PRDM16: variants seen among roughly 807,000 people sequenced by gnomAD.
The protein encoded by PRDM16 is histone-lysine N-methyltransferase PRDM16.
In PRDM16, 23 loss-of-function variants were observed where a neutral mutation model predicts 110.6. That is an observed-to-expected ratio of 0.21 (90% CI 0.15 to 0.29). The LOEUF (loss-of-function observed/expected upper bound fraction) is 0.29, where lower values mean the gene tolerates loss of function less well. PRDM16 is among the 10% of genes least tolerant of loss of function. PRDM16 has a pLI of 1.00. For missense variants in PRDM16, 1,615 were observed against 1,794.3 expected (o/e 0.90, Z 1.81); for synonymous variants, 799 against 781.8 (o/e 1.02, Z -0.37).
chr1:3,304,352 A>T (rs936643517), intron 3 of PRDM16, among the ~76,000 whole-genome samples: 1 of 152,192 alleles, frequency 6.6e-6, no homozygotes, highest in African/African-American at 2.4e-5. Context: ...CCTCTGAGAG[A>T]GTGGGGAGAA....
In PRDM16 at chr1:3,194,463, T is replaced by A. The variant is rs1214776310; in HGVS notation, c.387+7989T>A. Reference sequence around the variant, plus strand: ...TTAAATTCCAACAGAGGGGAAGGGGTAGACCATGGCAGGTGCTGGGGACCT... The same window carrying A: ...TTAAATTCCAACAGAGGGGAAGGGGAAGACCATGGCAGGTGCTGGGGACCT... On this transcript the variant is annotated intron_variant, in intron 2 of 16. Coordinates refer to ENST00000270722, the MANE Select transcript of PRDM16 (RefSeq NM_022114.4). Among the ~76,000 whole-genome samples the A allele has an allele frequency of 2.0e-5, 3 of 151,996 alleles. No homozygotes were observed. The East Asian group carries it at 5.8e-4, about 30-fold the overall frequency.
intron 2 of PRDM16, among the ~76,000 whole-genome samples, chr1:3,214,671 C>T (rs10909901): frequency 0.41 from 61,839 of 152,168 alleles, 18,588 homozygotes; most frequent in African/African-American, 0.83. Context: ...AATAGCATCT[C>T]GCAGGGGCAA....
chr1:3,147,160 G>A (rs1033474394), intron 1 of PRDM16, among the ~76,000 whole-genome samples: 1 of 149,412 alleles, frequency 6.7e-6, no homozygotes, highest in Admixed American at 6.6e-5. Flanking sequence ...GGTGTGAGGT[G>A]TGTGCACGCA....
intron 12 of PRDM16, among the ~76,000 whole-genome samples, chr1:3,419,747 G>A (rs1192074681): frequency 6.6e-6 from 1 of 152,082 alleles, no homozygotes; most frequent in Non-Finnish European, 1.5e-5. Context: ...CTCCATCCCT[G>A]GGGAAGGAGA....
intron 16 of PRDM16, among the ~76,000 whole-genome samples, chr1:3,433,048 C>G (rs1220331587): frequency 6.6e-6 from 1 of 152,328 alleles, no homozygotes; most frequent in East Asian, 1.9e-4. Context: ...CTCTTGTTGA[C>G]CCCCAGTTCC....
At chr1:3,198,772 C>T (rs943938961) in intron 2 of PRDM16, among the ~76,000 whole-genome samples, 2 of 152,196 alleles carry the variant, frequency 1.3e-5, no homozygotes, top group Non-Finnish European at 2.9e-5. Context: ...TGGCTTTCGG[C>T]GGAGTCGGCA....
At chr1:3,247,040 A>G (rs1639806054) in intron 3 of PRDM16, among the ~76,000 whole-genome samples, 1 of 152,126 alleles carries the variant, frequency 6.6e-6, no homozygotes, top group Non-Finnish European at 1.5e-5. Flanking sequence ...GGATGAATTC[A>G]GTACAGTCCT....
intron 3 of PRDM16, among the ~76,000 whole-genome samples, chr1:3,261,242 A>G (rs1220627116): frequency 6.6e-6 from 1 of 152,148 alleles, no homozygotes; most frequent in Non-Finnish European, 1.5e-5. Context: ...GTGAATAAGA[A>G]ATACAGGACT....
intron 3 of PRDM16, among the ~76,000 whole-genome samples, chr1:3,356,742 C>G (rs765556678): frequency 6.6e-6 from 1 of 152,134 alleles, no homozygotes; most frequent in Non-Finnish European, 1.5e-5. Flanking sequence ...CTGGGCAGAT[C>G]GAGCAGCTCG....
chr1:3,335,355 TG>T (rs1159143160), intron 3 of PRDM16, among the ~76,000 whole-genome samples: 1 of 152,116 alleles, frequency 6.6e-6, no homozygotes, highest in Non-Finnish European at 1.5e-5. Flanking sequence ...GGGGCCGGCC[TG>T]GAAATAGCAG....
At chr1:3,122,534 G>A (rs951107037) in intron 1 of PRDM16, among the ~76,000 whole-genome samples, 3 of 152,158 alleles carry the variant, frequency 2.0e-5, no homozygotes, top group Non-Finnish European at 2.9e-5. Context: ...GCGAGTGGCC[G>A]CGTGGAGAAG....
At chr1:3,197,700 G>A (rs978901368) in intron 2 of PRDM16, among the ~76,000 whole-genome samples, 2 of 152,338 alleles carry the variant, frequency 1.3e-5, no homozygotes, top group African/African-American at 2.4e-5. Context: ...TGGGGAGGGC[G>A]GCCCCTCCTG....
intron 1 of PRDM16, among the ~76,000 whole-genome samples, chr1:3,138,953 A>G (rs1569660614): frequency 6.6e-6 from 1 of 151,730 alleles, no homozygotes; most frequent in African/African-American, 2.4e-5. Context: ...CTGGCCTCTC[A>G]CCTCCCCCTC....
rs144912114 is a variant in PRDM16 at position 3,115,403 on chromosome 1, C to A, written c.37+46107C>A. On this transcript the variant is annotated intron_variant, in intron 1 of 16. Transcript: ENST00000270722. ...TACGCCAGCTCCTGAGCAAACCCAG[C>A]GGGACGGGGAGATGACAAATGATGG... 3.3e-5 allele frequency among the ~76,000 whole-genome samples: 5 copies of A among 152,312 alleles called. No homozygotes were observed. The East Asian group carries it at 9.7e-4, about 29-fold the overall frequency.
At chr1:3,300,032 G>A (rs75266529) in intron 3 of PRDM16, among the ~76,000 whole-genome samples, 6 of 93,050 alleles carry the variant, frequency 6.4e-5, no homozygotes, top group Admixed American at 2.8e-4. Flanking sequence ...TGCTGTGGCC[G>A]TGATGTTTCC....
intron 1 of PRDM16, among the ~76,000 whole-genome samples, chr1:3,129,756 G>A (rs1354544258): frequency 1.3e-5 from 2 of 152,198 alleles, no homozygotes; most frequent in African/African-American, 2.4e-5. Flanking sequence ...AGAGAAAAGA[G>A]AATTGGGGTT....
rs1047735139 is a variant in PRDM16, at chr1:3,255,827, C to T, written c.438+11690C>T. Among the ~76,000 whole-genome samples, 1 of 152,186 alleles carries T rather than the reference C, an allele frequency of 6.6e-6. No individual in the cohort carries two copies. On this transcript the variant is annotated intron_variant, in intron 3 of 16. Transcript: ENST00000270722. This position sits in a 1 kb window ranked among gnomAD's most constrained non-coding sequence, Gnocchi z 4.7. ...CAGAATGAACCCATTGTCACTTGTG[C>T]CCAAAGCCAATCCCGTGGCCGCACC...
chr1:3,270,849 AG>A (rs1640435940), intron 3 of PRDM16, among the ~76,000 whole-genome samples: 1 of 151,234 alleles, frequency 6.6e-6, no homozygotes, highest in African/African-American at 2.4e-5. Flanking sequence ...ACAATCCTGG[AG>A]GAGGACAGTG....
At chr1:3,427,631 A>T (rs559101915) in intron 14 of PRDM16, among the ~76,000 whole-genome samples, 1 of 152,280 alleles carries the variant, frequency 6.6e-6, no homozygotes, top group East Asian at 1.9e-4. Flanking sequence ...AGGCAGTTGG[A>T]CACTGGCTCT....
Sources: allele counts gnomAD v4.1 joint callset (sites outside exome capture counted in the v4.1 genomes callset), GRCh38; gene constraint gnomAD v4.1.1; non-coding constraint Gnocchi (gnomAD v3.1); transcripts MANE v1.5; gene names NCBI Gene and HGNC (gene_info 2026-07-23, HGNC 2026-07-21).